Variants in PLSCR5 observed in about 807,000 individuals in gnomAD.
PLSCR5 encodes the protein phospholipid scramblase family, member 5.
In PLSCR5, 44 loss-of-function variants were observed where a neutral mutation model predicts 33.6. The observed-to-expected ratio is 1.31, with a 90% confidence interval of 1.03 to 1.69. The LOEUF (loss-of-function observed/expected upper bound fraction) is 1.69. Ranked by LOEUF, PLSCR5 falls within the 40% of genes most tolerant of loss-of-function variation. The probability of loss-of-function intolerance (pLI) is 0.00; values close to 1 mark genes in which losing one functional copy is unlikely to be tolerated. For missense variants in PLSCR5, 375 were observed against 318.7 expected (o/e 1.18, Z -1.34); for synonymous variants, 148 against 112.3 (o/e 1.32, Z -2.01).
chr3:146,592,485 C>G (rs921344420), intron 4 of PLSCR5, among the ~76,000 whole-genome samples: 1 of 152,078 alleles, frequency 6.6e-6, no homozygotes, highest in Admixed American at 6.6e-5. Context: ...GCATTTGACT[C>G]CATTACCTTT....
intron 1 of PLSCR5, among the ~76,000 whole-genome samples, chr3:146,604,018 A>G (rs961122118): frequency 6.6e-6 from 1 of 152,118 alleles, no homozygotes; most frequent in Non-Finnish European, 1.5e-5. Flanking sequence ...TTCATATTAA[A>G]TAGTGACCAA....
chr3:146,593,387 C>T (rs1034829413), intron 4 of PLSCR5, among the ~76,000 whole-genome samples: 20 of 152,028 alleles, frequency 1.3e-4, no homozygotes, highest in Admixed American at 7.9e-4. Context: ...TAAATAATAA[C>T]GTAAATCTAT....
rs777804158 is a variant in PLSCR5, at chr3:146,591,806, T to C, written c.529A>G (p.Thr177Ala). ...TCTTCTTTGTTTGCATTTTGGATTG[T>C]GAATTTAGGCAGAAAGGGGTCCCAC... The part of the protein sequence containing the change: ...QKWDPFLPKF[T>A]IQNANKEDIL... The change falls in exon 5 of 8, where the codon ACA becomes GCA. Residue 177 changes from threonine (T) to alanine (A), a missense_variant. Coordinates refer to ENST00000443512, the MANE Select transcript of PLSCR5 (RefSeq NM_001085420.2). The C allele has an allele frequency of 6.2e-7, 1 of 1,612,364 alleles. No homozygotes were observed. The highest frequency in any genetic ancestry group is 8.5e-7 in the Non-Finnish European group (1 of 1,179,012).
intron 1 of PLSCR5, among the ~76,000 whole-genome samples, 161 bp downstream of exon 1, chr3:146,605,037 ACT>A (rs1476611321): frequency 2.0e-4 from 30 of 152,094 alleles, no homozygotes; most frequent in African/African-American, 7.0e-4. Flanking sequence ...TTTACATGTA[ACT>A]CAACATGCTC....
At chr3:146,600,517 G>T in intron 1 of PLSCR5, 54 bp from the exon 2 acceptor site, 4 of 1,437,708 alleles carry the variant, frequency 2.8e-6, no homozygotes, top group Non-Finnish European at 2.8e-6. Flanking sequence ...ATTTTATTTA[G>T]TCCTTCTTAA....
At chr3:146,592,496 A>G (rs2044724529) in intron 4 of PLSCR5, among the ~76,000 whole-genome samples, 1 of 152,066 alleles carries the variant, frequency 6.6e-6, no homozygotes, top group South Asian at 2.1e-4. Context: ...CATTACCTTT[A>G]CATATTTATG....
intron 1 of PLSCR5, among the ~76,000 whole-genome samples, chr3:146,603,775 G>T (rs537765980): frequency 1.4e-4 from 22 of 152,172 alleles, no homozygotes; most frequent in African/African-American, 5.3e-4. Context: ...ATAAAGTGAT[G>T]AAGTATTTTG....
Position 146,593,975 on chromosome 3 carries a change from G to A in PLSCR5, c.398C>T (p.Thr133Ile). 2 of 1,613,816 alleles carry A rather than the reference G, an allele frequency of 1.2e-6. No homozygotes were observed. The highest frequency in any genetic ancestry group is 1.7e-6 in the Non-Finnish European group (2 of 1,179,808). ...GTTACATCTCAAGGGCCTGTTCACT[G>A]TAATGACCTCTCGACCTGAGTTATC... is the stretch of plus-strand genomic sequence containing the variant. ...ITDNSGREVI[T>I]VNRPLRCNSC... The change falls in exon 4 of 8, where the codon ACA (threonine) becomes ATA (isoleucine). Residue 133 changes from threonine (T) to isoleucine (I), a missense_variant. Physicochemically the swap from Thr to Ile is moderately conservative, Grantham distance 89 (BLOSUM62 -1). Coordinates refer to ENST00000443512, the MANE Select transcript of PLSCR5 (RefSeq NM_001085420.2).
downstream of PLSCR5, among the ~76,000 whole-genome samples, chr3:146,583,101 A>C (rs905072331): frequency 6.6e-6 from 1 of 152,098 alleles, no homozygotes; most frequent in African/African-American, 2.4e-5. Context: ...GGCTGATTTG[A>C]GTGCTAATTA....
rs148631954 is a variant in PLSCR5 at position 146,603,052 on chromosome 3, G to C, written c.13+2148C>G. Among the ~76,000 whole-genome samples the C allele has an allele frequency of 3.3e-5, 5 of 152,216 alleles. No individual in the cohort carries two copies. In the East Asian group the frequency reaches 7.7e-4, roughly 24 times the overall value. On this transcript the variant is annotated intron_variant, in intron 1 of 7. Transcript: ENST00000443512. ...AGATCACCGTGTTTGAGAGCAACTTGCTCTTAAATTGTGTTAATTTCTACT... is the reference window on the plus strand; with the variant it reads ...AGATCACCGTGTTTGAGAGCAACTTCCTCTTAAATTGTGTTAATTTCTACT...
downstream of PLSCR5, among the ~76,000 whole-genome samples, chr3:146,585,507 C>T (rs183616378): frequency 6.6e-6 from 1 of 152,076 alleles, no homozygotes; most frequent in African/African-American, 2.4e-5. Flanking sequence ...ATTATTTACC[C>T]AACTTTTAAC....
rs1208168822 is a variant in PLSCR5 at position 146,594,208 on chromosome 3, G to A, written c.233-68C>T. 15 of 1,118,944 alleles carry A rather than the reference G, an allele frequency of 1.3e-5. No individual in the cohort carries two copies. In the East Asian group the frequency reaches 3.0e-4, roughly 22 times the overall value. 69.3% of individuals were successfully genotyped at this position (1,118,944 alleles called of 1,614,324 possible). A position where few individuals can be genotyped will look rare whatever the true frequency, so the allele number is the denominator to read the frequency against. On this transcript the variant is annotated intron_variant, in intron 3 of 7. Coordinates refer to ENST00000443512, the MANE Select transcript of PLSCR5 (RefSeq NM_001085420.2). ...AGTATTGATAACTTTAAATAAAGGG[G>A]AGATGTTATTAAAAGAATACAGTGT... is the stretch of plus-strand genomic sequence containing the variant.
intron 2 of PLSCR5, among the ~76,000 whole-genome samples, chr3:146,596,802 A>T (rs1369217223): frequency 6.6e-6 from 1 of 152,066 alleles, no homozygotes; most frequent in African/African-American, 2.4e-5. Flanking sequence ...CTCTATTTAA[A>T]CCTTATTATT....
intron 1 of PLSCR5, 103 bp downstream of exon 1, chr3:146,605,094 TGAC>T: frequency 1.7e-6 from 2 of 1,158,004 alleles, no homozygotes; most frequent in Non-Finnish European, 2.4e-6. Context: ...AAGTGACAAA[TGAC>T]AGCTTTTAAA....
chr3:146,591,863 G>GA lies in PLSCR5; in HGVS notation c.471dup (p.Pro158SerfsTer18). 1 of 1,605,558 alleles carries GA rather than the reference G, an allele frequency of 6.2e-7. No individual in the cohort carries two copies. Among genetic ancestry groups the GA allele is most frequent in the Non-Finnish European group, 8.5e-7 (1 of 1,176,086 alleles). On this transcript the variant is annotated frameshift_variant, in exon 5 of 8. Coordinates refer to ENST00000443512, the MANE Select transcript of PLSCR5 (RefSeq NM_001085420.2). LOFTEE classifies it high-confidence loss of function. ...GTAACGTAACCAACTATAGTACCAG[G>GA]AGGGGCTTGGATTTCTAACTGTAAG...
Position 146,598,225 on chromosome 3 carries a change from T to C in PLSCR5, c.189+2063A>G, listed in dbSNP as rs185988807. ...TATTTCCTGTTTATTCATTGATTAATGTACTATTTCCAAATGTTCATTATT... is the reference window on the plus strand; with the variant it reads ...TATTTCCTGTTTATTCATTGATTAACGTACTATTTCCAAATGTTCATTATT... On this transcript the variant is annotated intron_variant, in intron 2 of 7. Transcript: ENST00000443512. 1.7e-3 allele frequency among the ~76,000 whole-genome samples: 253 copies of C among 152,298 alleles called. 1 individual carries two copies. Among genetic ancestry groups the C allele is most frequent in the Non-Finnish European group, 2.6e-3 (178 of 68,016 alleles).
chr3:146,588,743 T>C (rs1310464777), intron 6 of PLSCR5, among the ~76,000 whole-genome samples: 1 of 152,146 alleles, frequency 6.6e-6, no homozygotes, highest in African/African-American at 2.4e-5. Flanking sequence ...AATCAGTGTT[T>C]AGTGCCTGAC....
At chr3:146,596,514 A>G (rs1456277562) in intron 2 of PLSCR5, among the ~76,000 whole-genome samples, 1 of 152,104 alleles carries the variant, frequency 6.6e-6, no homozygotes, top group African/African-American at 2.4e-5. Flanking sequence ...TTTCAATCTG[A>G]TATTCAGTAC....
At chr3:146,602,968 T>C (rs939853313) in intron 1 of PLSCR5, among the ~76,000 whole-genome samples, 1 of 152,102 alleles carries the variant, frequency 6.6e-6, no homozygotes, top group Non-Finnish European at 1.5e-5. Context: ...CACTAGCTGC[T>C]TCTTCTGGGA....
Sources: allele counts gnomAD v4.1 joint callset (sites outside exome capture counted in the v4.1 genomes callset), GRCh38; gene constraint gnomAD v4.1.1; transcripts MANE v1.5; gene names NCBI Gene and HGNC (gene_info 2026-07-23, HGNC 2026-07-21).